The following LUZP2 variants were observed in gnomAD, a reference collection of about 807,000 sequenced individuals.
LUZP2 encodes the protein leucine zipper protein 2.
In LUZP2, 52 loss-of-function variants were observed where a neutral mutation model predicts 51.6. That is an observed-to-expected ratio of 1.01 (90% CI 0.81 to 1.27). LUZP2 has a LOEUF of 1.27. LUZP2 is among the 50% of genes most tolerant of loss of function. The pLI, the probability that LUZP2 is intolerant of heterozygous loss-of-function variation, is 0.00. For missense variants in LUZP2, 436 were observed against 395.4 expected (o/e 1.10, Z -0.87); for synonymous variants, 154 against 137.3 (o/e 1.12, Z -0.85).
At chr11:24,614,614 G>A (rs1212003011) in intron 1 of LUZP2, among the ~76,000 whole-genome samples, 1 of 151,742 alleles carries the variant, frequency 6.6e-6, no homozygotes, top group Non-Finnish European at 1.5e-5. Context: ...ACCTTTCTAT[G>A]TTCAAATGCG....
Position 25,080,365 on chromosome 11 carries a change from G to C in LUZP2, c.*1707G>C, listed in dbSNP as rs1356837641. On this transcript the variant is annotated 3_prime_UTR_variant, in exon 12 of 12. Transcript: ENST00000336930. ...AGGGTGGGCTATGATTTTCCATTTA[G>C]GTATCTGAAATGCATTTCAGACTTA... The C allele has an allele frequency of 6.6e-6, 1 of 152,028 alleles. No homozygotes were observed. The highest frequency in any genetic ancestry group is 1.9e-4 in the East Asian group (1 of 5,182). The allele number at this position is 152,028 out of a possible 1,614,324, so 9.4% of individuals were successfully genotyped here.
chr11:24,822,516 GT>G (rs1017668075), intron 5 of LUZP2, among the ~76,000 whole-genome samples: 2 of 151,918 alleles, frequency 1.3e-5, no homozygotes, highest in East Asian at 1.9e-4. Context: ...TTAGCTTTTA[GT>G]TTTTTTTATA....
At chr11:25,077,287 T>C in intron 10 of LUZP2, 42 bp from the exon 11 acceptor site, 1 of 1,440,250 alleles carries the variant, frequency 6.9e-7, no homozygotes, top group East Asian at 2.3e-5. Context: ...CCACTTTCTT[T>C]CTTTAACTTC....
At chr11:24,861,040 C>A (rs1383939249) in intron 5 of LUZP2, among the ~76,000 whole-genome samples, 1 of 151,650 alleles carries the variant, frequency 6.6e-6, no homozygotes, top group Non-Finnish European at 1.5e-5. Context: ...TAACCCAATG[C>A]GAAGAAGCTA....
intron 1 of LUZP2, among the ~76,000 whole-genome samples, chr11:24,665,542 G>C (rs1856184807): frequency 6.6e-6 from 1 of 152,104 alleles, no homozygotes; most frequent in Non-Finnish European, 1.5e-5. Flanking sequence ...ATCTCATCTT[G>C]AATTGTAGTT....
intron 1 of LUZP2, chr11:24,701,273 A>C (rs1278943864): frequency 1.2e-5 from 2 of 163,188 alleles, no homozygotes; most frequent in Non-Finnish European, 2.9e-5. Context: ...CCTGCTGCCC[A>C]GATGCCCAAG....
chr11:24,562,875 AAAAAG>A (rs1564992603), intron 1 of LUZP2, among the ~76,000 whole-genome samples: 2 of 151,966 alleles, frequency 1.3e-5, no homozygotes, highest in Non-Finnish European at 2.9e-5. Context: ...AAAAAAAAAA[AAAAAG>A]AAAGGTTATA....
chr11:24,588,489 C>T (rs1315655391), intron 1 of LUZP2, among the ~76,000 whole-genome samples: 2 of 152,002 alleles, frequency 1.3e-5, no homozygotes, highest in African/African-American at 2.4e-5. Flanking sequence ...CAAAAGTATA[C>T]GTTTGGAAGA....
At chr11:25,030,068 C>T (rs927128554) in intron 9 of LUZP2, among the ~76,000 whole-genome samples, 3 of 152,066 alleles carry the variant, frequency 2.0e-5, no homozygotes, top group Admixed American at 6.6e-5. Flanking sequence ...ATGCAAAATG[C>T]TTGTCCTAAA....
chr11:24,812,161 AT>A (rs1439013642), intron 5 of LUZP2, among the ~76,000 whole-genome samples: 2 of 152,008 alleles, frequency 1.3e-5, no homozygotes, highest in African/African-American at 4.8e-5. Context: ...TAAAATATGT[AT>A]TTTTTATGTT....
At chr11:24,701,844 T>G (rs1307275438) in intron 1 of LUZP2, among the ~76,000 whole-genome samples, 1 of 152,114 alleles carries the variant, frequency 6.6e-6, no homozygotes, top group Admixed American at 6.5e-5. Flanking sequence ...TAACATTCCA[T>G]AGAAGGGATT....
At chr11:24,809,692 C>T (rs12292690) in intron 5 of LUZP2, among the ~76,000 whole-genome samples, 2,445 of 152,124 alleles carry the variant, frequency 0.016, 71 homozygotes, top group African/African-American at 0.056. Context: ...AATAACATTT[C>T]TTTCTCTATT....
chr11:24,593,811 G>T (rs1471471167), intron 1 of LUZP2, among the ~76,000 whole-genome samples: 2 of 152,120 alleles, frequency 1.3e-5, no homozygotes, highest in African/African-American at 2.4e-5. Context: ...AATTCCTAAG[G>T]CCAGCTTCAA....
rs557982436 is a variant in LUZP2, at chr11:24,785,229, C to A, written c.396+21921C>A. Reference sequence around the variant, plus strand: ...ATTGTGGCTTTCACCAGATTGCTGGCTAGTTTTTACTAATGAGGCTGTCTT... The same window carrying A: ...ATTGTGGCTTTCACCAGATTGCTGGATAGTTTTTACTAATGAGGCTGTCTT... On this transcript the variant is annotated intron_variant, in intron 5 of 11. Coordinates refer to ENST00000336930, the MANE Select transcript of LUZP2 (RefSeq NM_001009909.4). 1.6e-4 allele frequency among the ~76,000 whole-genome samples: 25 copies of A among 152,142 alleles called. No homozygotes were observed. The South Asian group carries it at 4.6e-3, about 28-fold the overall frequency.
intron 1 of LUZP2, among the ~76,000 whole-genome samples, chr11:24,557,154 CTT>C (rs1380337002): frequency 6.7e-6 from 1 of 150,320 alleles, no homozygotes; most frequent in African/African-American, 2.4e-5. Flanking sequence ...TAGCTGATGA[CTT>C]GTCTTTATTT....
At chr11:24,595,724 T>C (rs181026328) in intron 1 of LUZP2, among the ~76,000 whole-genome samples, 31 of 152,308 alleles carry the variant, frequency 2.0e-4, no homozygotes, top group Middle Eastern at 3.4e-3. Flanking sequence ...GCAGAGATGA[T>C]GCAGGACTGT....
At chr11:25,026,218 C>G (rs1261291309) in intron 9 of LUZP2, among the ~76,000 whole-genome samples, 2 of 151,820 alleles carry the variant, frequency 1.3e-5, no homozygotes, top group South Asian at 2.1e-4. Context: ...GTGCAGCACA[C>G]CAACATGGCA....
chr11:24,559,975 G>C (rs771066287), intron 1 of LUZP2, among the ~76,000 whole-genome samples: 1 of 152,106 alleles, frequency 6.6e-6, no homozygotes, highest in African/African-American at 2.4e-5. Context: ...GACCTGTCGG[G>C]GGGTGGCAGG....
intron 9 of LUZP2, among the ~76,000 whole-genome samples, chr11:25,033,881 A>G (rs1294027540): frequency 1.3e-5 from 2 of 152,238 alleles, no homozygotes; most frequent in African/African-American, 2.4e-5. Flanking sequence ...TGGTGCCGCA[A>G]TGAACATAGG....
Sources: allele counts gnomAD v4.1 joint callset (sites outside exome capture counted in the v4.1 genomes callset), GRCh38; gene constraint gnomAD v4.1.1; transcripts MANE v1.5; gene names NCBI Gene and HGNC (gene_info 2026-07-23, HGNC 2026-07-21).